Variants in MSI2 observed in about 807,000 individuals in gnomAD.
MSI2 encodes musashi RNA binding protein 2, also known as RNA-binding protein Musashi homolog 2.
Under a neutral mutation model 45.6 loss-of-function variants are expected in MSI2, and 17 were observed. The observed-to-expected ratio is 0.37, with a 90% CI of 0.26 to 0.56. MSI2 has a LOEUF of 0.56. Among genes scored for constraint, MSI2 ranks in the 20% least tolerant of loss-of-function variants. The pLI is 0.77. For missense variants in MSI2, 293 were observed against 444.2 expected, an observed-to-expected ratio of 0.66 and a Z score of 3.06; for synonymous variants, 156 against 158.2, an observed-to-expected ratio of 0.99 and a Z score of 0.11.
chr17:57,392,348 A>T (rs1319264059), intron 5 of MSI2, among the ~76,000 whole-genome samples: 1 of 152,138 alleles, frequency 6.6e-6, no homozygotes, highest in Non-Finnish European at 1.5e-5. Flanking sequence ...GAGCTCTGAG[A>T]TGAGGGTGGG....
intron 6 of MSI2, among the ~76,000 whole-genome samples, chr17:57,461,422 G>A (rs559136380): frequency 6.6e-6 from 1 of 152,288 alleles, no homozygotes; most frequent in South Asian, 2.1e-4. Context: ...AGCCTCGGCA[G>A]AGGGGCTTGG....
intron 6 of MSI2, among the ~76,000 whole-genome samples, chr17:57,427,417 A>G (rs1432175391): frequency 6.6e-6 from 1 of 152,008 alleles, no homozygotes; most frequent in African/African-American, 2.4e-5. Flanking sequence ...AAAATAAATA[A>G]AAGAAAATAA....
At chr17:57,320,906 G>A (rs1272886230) in intron 5 of MSI2, among the ~76,000 whole-genome samples, 5 of 152,060 alleles carry the variant, frequency 3.3e-5, no homozygotes, top group South Asian at 2.1e-4. Flanking sequence ...GAGAGTGGAC[G>A]TCTTGTCCTC....
intron 6 of MSI2, among the ~76,000 whole-genome samples, chr17:57,481,081 G>A (rs1305416272): frequency 6.6e-6 from 1 of 152,164 alleles, no homozygotes; most frequent in African/African-American, 2.4e-5. Context: ...TGGGTTCATG[G>A]TAATTACAAA....
rs986408297 is a variant in MSI2 at position 57,612,476 on chromosome 17, C to T, written c.538-3494C>T. Among the ~76,000 whole-genome samples, 6 of 33,064 alleles carry T rather than the reference C, an allele frequency of 1.8e-4. 3 individuals are homozygous for T. The highest frequency in any genetic ancestry group is 1.3e-3 in the Admixed American group (4 of 3,192). The allele number at this position is 33,064 out of a possible 152,430, so 21.7% of individuals were successfully genotyped here. On this transcript the variant is annotated intron_variant, in intron 8 of 13. Coordinates refer to ENST00000284073, the MANE Select transcript of MSI2 (RefSeq NM_138962.4). ...CAGGTTCCCTGCTGTTAACTGTTAC[C>T]TGCTGCCTTCCCCTGTCATTCAGAT...
intron 6 of MSI2, among the ~76,000 whole-genome samples, chr17:57,492,171 G>T (rs2085885659): frequency 6.6e-6 from 1 of 152,196 alleles, no homozygotes; most frequent in South Asian, 2.1e-4. Context: ...CTCTAGTAAA[G>T]CGAGGCATCG....
intron 5 of MSI2, among the ~76,000 whole-genome samples, chr17:57,282,685 T>C (rs1909524694): frequency 6.6e-6 from 1 of 152,144 alleles, no homozygotes; most frequent in Non-Finnish European, 1.5e-5. Context: ...TCTGGTTTTG[T>C]GTAAGTCTCT....
intron 6 of MSI2, among the ~76,000 whole-genome samples, chr17:57,517,765 C>T (rs901036038): frequency 6.6e-6 from 1 of 152,102 alleles, no homozygotes; most frequent in Non-Finnish European, 1.5e-5. Flanking sequence ...GCAGCTACTC[C>T]GTGACCTCTG....
chr17:57,481,471 G>A (rs1257599706), intron 6 of MSI2, among the ~76,000 whole-genome samples: 1 of 152,156 alleles, frequency 6.6e-6, no homozygotes, highest in Non-Finnish European at 1.5e-5. Flanking sequence ...TACCACAATT[G>A]TCACTGAAAC....
chr17:57,499,242 G>T (rs2086046639), intron 6 of MSI2, among the ~76,000 whole-genome samples: 2 of 151,958 alleles, frequency 1.3e-5, no homozygotes, highest in South Asian at 2.1e-4. Context: ...CAGGTGTGGT[G>T]GTGCATGCCT....
At chr17:57,578,821 G>C (rs184190384) in intron 7 of MSI2, among the ~76,000 whole-genome samples, 1 of 152,230 alleles carries the variant, frequency 6.6e-6, no homozygotes, top group Admixed American at 6.5e-5. Context: ...CTCTGGGACT[G>C]GTGGGTGTGT....
intron 7 of MSI2, among the ~76,000 whole-genome samples, chr17:57,574,923 C>T (rs934867876): frequency 3.3e-5 from 5 of 151,776 alleles, no homozygotes; most frequent in African/African-American, 7.2e-5. Flanking sequence ...CTCCGCCTCC[C>T]GGGTTCACGC....
intron 6 of MSI2, among the ~76,000 whole-genome samples, chr17:57,517,604 C>T (rs2086497007): frequency 6.6e-6 from 1 of 152,192 alleles, no homozygotes; most frequent in Non-Finnish European, 1.5e-5. Flanking sequence ...TCACTTCTAA[C>T]TCCTGAGTCT....
intron 6 of MSI2, among the ~76,000 whole-genome samples, chr17:57,417,146 G>A (rs7221199): frequency 0.53 from 81,296 of 152,072 alleles, 22,726 homozygotes; most frequent in South Asian, 0.73. Context: ...TATGGTGGCC[G>A]CTGAAGGCAG....
intron 6 of MSI2, among the ~76,000 whole-genome samples, chr17:57,501,238 C>G (rs946042481): frequency 6.6e-6 from 1 of 152,162 alleles, no homozygotes; most frequent in Non-Finnish European, 1.5e-5. Flanking sequence ...CCAAGCTGAC[C>G]ACTGCAGGGC....
At chr17:57,400,307 A>C (rs1452156155) in intron 5 of MSI2, among the ~76,000 whole-genome samples, 1 of 151,676 alleles carries the variant, frequency 6.6e-6, no homozygotes, top group Non-Finnish European at 1.5e-5. Flanking sequence ...CTCAGTCTTT[A>C]GAAAGAAATT....
intron 7 of MSI2, among the ~76,000 whole-genome samples, chr17:57,571,569 G>A (rs932860807): frequency 1.5e-4 from 23 of 152,150 alleles, no homozygotes; most frequent in Admixed American, 1.4e-3. Flanking sequence ...TCTTGGATTC[G>A]TGGTGTGGTC....
intron 7 of MSI2, among the ~76,000 whole-genome samples, chr17:57,536,136 G>A (rs769220296): frequency 1.3e-5 from 2 of 152,110 alleles, no homozygotes; most frequent in Non-Finnish European, 2.9e-5. Flanking sequence ...CAAAGGTGTA[G>A]GTTACATTTT....
chr17:57,526,411 CAGAGAG>C (rs112969544), intron 6 of MSI2, among the ~76,000 whole-genome samples: 2 of 81,896 alleles, frequency 2.4e-5, no homozygotes, highest in African/African-American at 4.1e-5. Context: ...GTGTGTGTGA[CAGAGAG>C]AGAGAGAGAG....
Sources: gnomAD v4.1 joint callset for allele counts (sites outside exome capture counted in the v4.1 genomes callset) on GRCh38, gnomAD v4.1.1 for gene constraint, MANE v1.5 for transcripts, NCBI Gene and HGNC (gene_info 2026-07-23, HGNC 2026-07-21) for gene names.